The following SI variants were observed in gnomAD, a reference collection of about 807,000 sequenced individuals.
SI encodes sucrase-isomaltase, also known as sucrase-isomaltase, intestinal.
SI carries 235 observed loss-of-function variants against 253.3 expected under a neutral mutation model. The observed-to-expected ratio is 0.93, with a 90% CI of 0.83 to 1.03. The LOEUF (loss-of-function observed/expected upper bound fraction) is 1.03, where lower values mean the gene tolerates loss of function less well. Among genes scored for constraint, SI ranks in the 50% least tolerant of loss-of-function variants. The probability of loss-of-function intolerance (pLI) is 0.00; values close to 1 mark genes in which losing one functional copy is unlikely to be tolerated. For missense variants in SI, 2,442 were observed against 2,211.1 expected, an observed-to-expected ratio of 1.10 and a Z score of -2.09; for synonymous variants, 819 against 712.0, an observed-to-expected ratio of 1.15 and a Z score of -2.39.
chr3:165,008,693 T>C (rs997080660), intron 35 of SI, among the ~76,000 whole-genome samples: 1 of 152,046 alleles, frequency 6.6e-6, no homozygotes, highest in African/African-American at 2.4e-5. Context: ...ATAAAGCTTT[T>C]TTCAATTTAA....
At chr3:165,057,765 G>C (rs2108245973) in intron 12 of SI, among the ~76,000 whole-genome samples, 1 of 151,284 alleles carries the variant, frequency 6.6e-6, no homozygotes, top group East Asian at 1.9e-4. Context: ...TTCAAACATG[G>C]AAAAGAAATA....
intron 24 of SI, 37 bp downstream of exon 24, chr3:165,032,485 A>T (rs752955184): frequency 7.3e-7 from 1 of 1,375,962 alleles, no homozygotes; most frequent in Non-Finnish European, 1.0e-6. Flanking sequence ...ATATGAGATT[A>T]TATGATAGCT....
intron 16 of SI, 24 bp from the exon 17 acceptor site, chr3:165,043,199 T>C: frequency 3.4e-6 from 5 of 1,486,136 alleles, no homozygotes; most frequent in Non-Finnish European, 4.7e-6. Flanking sequence ...ATATTTACTA[T>C]TTATAATGTT....
intron 45 of SI, among the ~76,000 whole-genome samples, chr3:164,985,615 A>C (rs1232098634): frequency 6.6e-6 from 1 of 152,210 alleles, no homozygotes; most frequent in African/African-American, 2.4e-5. Flanking sequence ...TTTGCTATTA[A>C]TGAAAAAACT....
intron 41 of SI, 82 bp from the exon 42 acceptor site, chr3:164,992,479 T>C: frequency 1.1e-6 from 1 of 951,376 alleles, no homozygotes; most frequent in Non-Finnish European, 1.6e-6. Flanking sequence ...CAAATTACAT[T>C]TTGTAGTATG....
intron 27 of SI, among the ~76,000 whole-genome samples, chr3:165,020,023 G>A (rs1021827338): frequency 6.6e-5 from 10 of 151,552 alleles, no homozygotes; most frequent in African/African-American, 2.4e-4. Flanking sequence ...GATTGTACAT[G>A]TTTTTCTTTA....
In SI at chr3:165,023,683, T is replaced by C. The variant is rs763174301; in HGVS notation, c.2986A>G (p.Thr996Ala). The C allele has an allele frequency of 6.2e-7, 1 of 1,610,958 alleles. No individual in the cohort carries two copies. Among genetic ancestry groups the C allele is most frequent in the Non-Finnish European group, 8.5e-7 (1 of 1,177,978 alleles). ...NSARYSSMGI[T>A]ADLQLNTANA... ...GCAGTATTTAGTTGGAGGTCAGCTG[T>C]TATACCCATGGATGAATAGCGAGCT... Residue 996 changes from threonine to alanine, a missense_variant, in exon 26 of 48, where the codon ACA (threonine) becomes GCA (alanine). Thr to Ala is a moderately conservative substitution (Grantham distance 58). Transcript: ENST00000264382.
chr3:165,045,877 G>T (rs1218210848), intron 16 of SI, among the ~76,000 whole-genome samples: 2 of 140,966 alleles, frequency 1.4e-5, no homozygotes, highest in Non-Finnish European at 3.0e-5. Flanking sequence ...TTGAGATAGG[G>T]TCTCAAAAAA....
intron 13 of SI, among the ~76,000 whole-genome samples, chr3:165,052,716 AT>A (rs1364934778): frequency 1.3e-5 from 2 of 152,094 alleles, no homozygotes; most frequent in Non-Finnish European, 2.9e-5. Context: ...TTTCTTTAAA[AT>A]TCCTTAAAAA....
intron 1 of SI, 34 bp downstream of exon 1, chr3:165,078,399 A>T (rs1323826913): frequency 6.6e-6 from 1 of 152,062 alleles, no homozygotes; most frequent in Non-Finnish European, 1.5e-5. Context: ...TGAAAACATA[A>T]AAATAACAAA....
At chr3:165,062,815 C>T (rs547181674) in intron 8 of SI, among the ~76,000 whole-genome samples, 1 of 151,962 alleles carries the variant, frequency 6.6e-6, no homozygotes, top group African/African-American at 2.4e-5. Context: ...TTTAATTAGT[C>T]GTTTAAATTG....
chr3:165,012,795 G>C (rs150414042), intron 34 of SI, among the ~76,000 whole-genome samples, 185 bp downstream of exon 34: 15 of 152,228 alleles, frequency 9.9e-5, no homozygotes, highest in Admixed American at 2.6e-4. Context: ...TTGCTTAATA[G>C]GGTGACTGGT....
rs373110604 is a variant in SI at position 165,038,031 on chromosome 3, A to G, written c.2302-7T>C. The G allele has an allele frequency of 2.5e-6, 4 of 1,575,590 alleles. No homozygotes were observed. In the African/African-American group the frequency reaches 5.4e-5, roughly 21 times the overall value. ...TCCATGGCCTTTTTGCACCCTAATA[A>G]TTGGAAGATTAAAAACATTCTTAAT... On this transcript the variant is annotated splice_polypyrimidine_tract_variant and splice_region_variant and intron_variant, in intron 20 of 47. Transcript: ENST00000264382.
At chr3:165,026,564 G>T (rs1238382504) in intron 25 of SI, among the ~76,000 whole-genome samples, 1 of 151,176 alleles carries the variant, frequency 6.6e-6, no homozygotes, top group East Asian at 1.9e-4. Context: ...CTTTCTCCAA[G>T]ATAGACTGTA....
chr3:165,053,450 C>T (rs1036175905), intron 13 of SI, among the ~76,000 whole-genome samples: 27 of 152,082 alleles, frequency 1.8e-4, no homozygotes, highest in Non-Finnish European at 3.7e-4. Flanking sequence ...AACCACTTAG[C>T]AGTGTGATAT....
At chr3:165,058,886 A>G (rs1713835547) in intron 12 of SI, 77 bp downstream of exon 12, 1 of 1,199,796 alleles carries the variant, frequency 8.3e-7, no homozygotes. Flanking sequence ...ACACACACAC[A>G]CGCACATCCA....
At chr3:164,992,483 T>C (rs1717800248) in intron 41 of SI, 86 bp from the exon 42 acceptor site, 4 of 909,962 alleles carry the variant, frequency 4.4e-6, no homozygotes, top group Non-Finnish European at 5.1e-6. Flanking sequence ...TTACATTTTG[T>C]AGTATGGACT....
intron 17 of SI, among the ~76,000 whole-genome samples, chr3:165,042,082 A>G (rs1560003847): frequency 6.6e-6 from 1 of 151,540 alleles, no homozygotes; most frequent in Non-Finnish European, 1.5e-5. Context: ...TCTCATGCCC[A>G]CTCCCTTTGT....
At chr3:165,056,466 G>T (rs1461086375) in intron 12 of SI, among the ~76,000 whole-genome samples, 1 of 152,114 alleles carries the variant, frequency 6.6e-6, no homozygotes, top group Non-Finnish European at 1.5e-5. Context: ...AGTGATCACA[G>T]TACCTGATTT....
Sources: gnomAD v4.1 joint callset for allele counts (sites outside exome capture counted in the v4.1 genomes callset) on GRCh38, gnomAD v4.1.1 for gene constraint, MANE v1.5 for transcripts, NCBI Gene and HGNC (gene_info 2026-07-23, HGNC 2026-07-21) for gene names.